Variants in SAMD12 observed in about 807,000 individuals in gnomAD.
SAMD12 encodes sterile alpha motif domain-containing protein 12.
A neutral mutation model predicts 15.0 loss-of-function variants in SAMD12; 9 were observed. The observed-to-expected ratio is 0.60, with a 90% CI of 0.36 to 1.05. SAMD12 has a LOEUF of 1.05. Among genes scored for constraint, SAMD12 ranks in the 50% least tolerant of loss-of-function variants. SAMD12 has a pLI of 0.01. For synonymous variants in SAMD12, 86 were observed against 90.1 expected, an observed-to-expected ratio of 0.96 and a Z score of 0.25; for missense variants, 230 against 234.2, an observed-to-expected ratio of 0.98 and a Z score of 0.12.
intron 3 of SAMD12, among the ~76,000 whole-genome samples, chr8:118,413,894 T>C (rs1821552305): frequency 7.5e-6 from 1 of 133,162 alleles, no homozygotes; most frequent in African/African-American, 2.8e-5. Context: ...ATAGAACCCA[T>C]TATGAAAGAT....
chr8:118,420,087 G>A (rs771363893), intron 3 of SAMD12, among the ~76,000 whole-genome samples: 1 of 152,214 alleles, frequency 6.6e-6, no homozygotes, highest in East Asian at 1.9e-4. Context: ...CCTTGGAGAC[G>A]TATGATTTCT....
intron 4 of SAMD12, among the ~76,000 whole-genome samples, chr8:118,261,404 T>C (rs546945775): frequency 6.6e-6 from 1 of 152,204 alleles, no homozygotes; most frequent in African/African-American, 2.4e-5. Flanking sequence ...CCTCTGAGGA[T>C]ACACATAATG....
intron 4 of SAMD12, among the ~76,000 whole-genome samples, chr8:118,210,098 G>A (rs1200065628): frequency 6.6e-6 from 1 of 152,166 alleles, no homozygotes; most frequent in Admixed American, 6.5e-5. Context: ...AGGAGAAATG[G>A]GCTGGGATGG....
At chr8:118,368,329 T>C (rs1818905266) in intron 4 of SAMD12, among the ~76,000 whole-genome samples, 1 of 152,206 alleles carries the variant, frequency 6.6e-6, no homozygotes, top group Non-Finnish European at 1.5e-5. Context: ...AGAAGAATAA[T>C]CTGTTCAGAT....
At chr8:118,362,521 T>A (rs1281640661) in intron 4 of SAMD12, among the ~76,000 whole-genome samples, 1 of 152,176 alleles carries the variant, frequency 6.6e-6, no homozygotes, top group African/African-American at 2.4e-5. Context: ...AACCACATGA[T>A]AGAAATGGGA....
At chr8:118,446,509 T>C (rs1302084825) in intron 2 of SAMD12, among the ~76,000 whole-genome samples, 2 of 152,208 alleles carry the variant, frequency 1.3e-5, no homozygotes, top group Non-Finnish European at 2.9e-5. Flanking sequence ...TTTAAAATGA[T>C]TATTTTTTCT....
chr8:118,424,420 G>A (rs552773040), intron 3 of SAMD12, among the ~76,000 whole-genome samples: 347 of 152,108 alleles, frequency 2.3e-3, no homozygotes, highest in African/African-American at 8.1e-3. Context: ...GGCTCAGTGA[G>A]GTTAAACATA....
At chr8:118,171,897 G>C in the SAMD12 span, among the ~76,000 whole-genome samples, 1 of 152,060 alleles carries the variant, frequency 6.6e-6, no homozygotes, top group Non-Finnish European at 1.5e-5. Context: ...TGATAGACTG[G>C]ATTAAGAAAA....
chr8:118,287,172 C>G (rs990802890), intron 4 of SAMD12, among the ~76,000 whole-genome samples: 1 of 149,940 alleles, frequency 6.7e-6, no homozygotes, highest in East Asian at 2.0e-4. Context: ...TCGCCCAGGC[C>G]GGACTACAGT....
chr8:118,611,481 T>C (rs1413532885), intron 1 of SAMD12, among the ~76,000 whole-genome samples: 1 of 152,152 alleles, frequency 6.6e-6, no homozygotes, highest in African/African-American at 2.4e-5. Flanking sequence ...TCCAACTCCA[T>C]CCATCCCTGT....
At chr8:118,489,355 C>A (rs546520321) in intron 2 of SAMD12, among the ~76,000 whole-genome samples, 3 of 152,110 alleles carry the variant, frequency 2.0e-5, no homozygotes, top group Non-Finnish European at 4.4e-5. Flanking sequence ...TCTACTTTAT[C>A]ATTTTTCCTT....
intron 2 of SAMD12, among the ~76,000 whole-genome samples, chr8:118,549,620 G>C (rs1826256232): frequency 6.6e-6 from 1 of 152,202 alleles, no homozygotes; most frequent in South Asian, 2.1e-4. Context: ...AAAAAGCAGA[G>C]CACCTCTCCT....
chr8:118,221,878 A>G (rs1365374625), intron 4 of SAMD12, among the ~76,000 whole-genome samples: 1 of 152,210 alleles, frequency 6.6e-6, no homozygotes, highest in Non-Finnish European at 1.5e-5. Flanking sequence ...CAGCACCATG[A>G]AAATAAGATC....
intron 3 of SAMD12, among the ~76,000 whole-genome samples, chr8:118,407,129 T>C (rs2130802818): frequency 6.6e-6 from 1 of 152,130 alleles, no homozygotes; most frequent in South Asian, 2.1e-4. Flanking sequence ...AACAAAACCA[T>C]GGGTGTACAA....
chr8:118,244,862 T>C (rs1040122691), intron 4 of SAMD12, among the ~76,000 whole-genome samples: 2 of 152,150 alleles, frequency 1.3e-5, no homozygotes, highest in Admixed American at 6.6e-5. Flanking sequence ...TCTGAAGGAA[T>C]ACCAGACACT....
intron 2 of SAMD12, among the ~76,000 whole-genome samples, chr8:118,554,705 AT>A (rs1354317823): frequency 2.0e-5 from 3 of 152,046 alleles, no homozygotes; most frequent in East Asian, 3.8e-4. Context: ...AAAAAAAAAA[AT>A]CTACAACCAA....
intron 1 of SAMD12, among the ~76,000 whole-genome samples, chr8:118,610,197 A>G (rs1828072417): frequency 1.3e-5 from 2 of 152,212 alleles, no homozygotes; most frequent in South Asian, 4.1e-4. Flanking sequence ...AGAATGCAAA[A>G]GTGTAGAAAG....
At chr8:118,221,392 G>A (rs1036388502) in intron 4 of SAMD12, among the ~76,000 whole-genome samples, 1 of 152,178 alleles carries the variant, frequency 6.6e-6, no homozygotes. Flanking sequence ...AGCCTGAAGC[G>A]TGAGTAGGCT....
At chr8:118,164,975 A>ATGTGTGTGTGTGTG in the SAMD12 span, among the ~76,000 whole-genome samples, 1,555 of 144,208 alleles carry the variant, frequency 0.011, 21 homozygotes, top group African/African-American at 0.037. Flanking sequence ...CTGACACTAG[A>ATGTGTGTGTGTGTG]TGTGTGTGTG....
Sources: allele counts gnomAD v4.1 joint callset (sites outside exome capture counted in the v4.1 genomes callset), GRCh38; gene constraint gnomAD v4.1.1; transcripts MANE v1.5; gene names NCBI Gene and HGNC (gene_info 2026-07-23, HGNC 2026-07-21).